CRAMP1: variants seen among roughly 807,000 people sequenced by gnomAD.
CRAMP1 encodes cramped chromatin regulator 1.
CRAMP1 carries 50 observed loss-of-function variants against 115.4 expected under a neutral mutation model. The observed-to-expected ratio is 0.43, with a 90% CI of 0.35 to 0.55. The LOEUF (loss-of-function observed/expected upper bound fraction) is 0.55. Ranked by LOEUF, CRAMP1 falls within the 20% of genes least tolerant of loss-of-function variation. The probability of loss-of-function intolerance (pLI) is 0.01; values close to 1 mark genes in which losing one functional copy is unlikely to be tolerated. For synonymous variants in CRAMP1, 866 were observed against 745.4 expected (o/e 1.16, Z -2.64); for missense variants, 1,679 against 1,721.7 (o/e 0.98, Z 0.44).
At chr16:1,612,734 G>A (rs1006841558) in intron 1 of CRAMP1, among the ~76,000 whole-genome samples, 77 bp downstream of exon 1, 5 of 147,320 alleles carry the variant, frequency 3.4e-5, no homozygotes, top group Admixed American at 6.7e-5. Context: ...GGGAGAGCGC[G>A]GGGGGGGCGT....
chr16:1,615,345 C>T (rs567270271), intron 2 of CRAMP1, among the ~76,000 whole-genome samples: 2 of 152,202 alleles, frequency 1.3e-5, no homozygotes, highest in Admixed American at 6.5e-5. Context: ...CCTGCTGTAT[C>T]TCTTTCCCAG....
chr16:1,613,573 C>G (rs1256627915), intron 1 of CRAMP1, among the ~76,000 whole-genome samples: 1 of 152,212 alleles, frequency 6.6e-6, no homozygotes, highest in Non-Finnish European at 1.5e-5. Flanking sequence ...TGGGCTGCAG[C>G]TCTTGCTGTG....
chr16:1,658,960 C>T (rs1457759246), intron 10 of CRAMP1, among the ~76,000 whole-genome samples: 2 of 152,032 alleles, frequency 1.3e-5, no homozygotes, highest in African/African-American at 2.4e-5. Context: ...GCGGTGGTGG[C>T]GTTTCTGTGG....
In CRAMP1 at chr16:1,662,768, C is replaced by T. The variant is rs1169924344; in HGVS notation, c.2603C>T (p.Ser868Leu). ...RQHLNSISMQSDFFLPKPRKL... is the reference protein window; with the variant it reads ...RQHLNSISMQLDFFLPKPRKL... ...GACGCTGCTCCCTTACAGATGCAGT[C>T]GGATTTCTTCCTGCCAAAGCCCCGG... The change falls in exon 13 of 21, where the codon TCG becomes TTG. Residue 868 changes from serine (S) to leucine (L), a missense_variant. Around this residue, in one of 8 missense-constraint regions of CRAMP1, gnomAD observed 709 missense variants for 741.9 expected, o/e 0.96. Transcript: ENST00000397412. 8 of 1,613,738 alleles carry T rather than the reference C, an allele frequency of 5.0e-6. No individual in the cohort carries two copies. Among genetic ancestry groups the T allele is most frequent in the African/African-American group, 1.3e-5 (1 of 74,914 alleles).
rs1427113449 is a variant in CRAMP1, at chr16:1,647,087, G to A, written c.828-5409G>A. Reference sequence around the variant, plus strand: ...GATTGGGAAAATGACTGAGGTGCCTGTGGGAGGCTACCCCTGGATTTCAGC... The same window carrying A: ...GATTGGGAAAATGACTGAGGTGCCTATGGGAGGCTACCCCTGGATTTCAGC... On this transcript the variant is annotated intron_variant, in intron 6 of 20. Coordinates refer to ENST00000397412, the MANE Select transcript of CRAMP1 (RefSeq NM_020825.4). 6 of 702,816 alleles carry A rather than the reference G, an allele frequency of 8.5e-6. No homozygotes were observed. The East Asian group carries it at 1.1e-4, about 13-fold the overall frequency. The allele number at this position is 702,816 out of a possible 1,614,324, so 43.5% of individuals were successfully genotyped here.
chr16:1,656,248 G>C lies in CRAMP1; in HGVS notation c.1491G>C (p.Glu497Asp). 1 of 1,609,840 alleles carries C rather than the reference G, an allele frequency of 6.2e-7. No homozygotes were observed. Among genetic ancestry groups the C allele is most frequent in the Admixed American group, 1.7e-5 (1 of 59,744 alleles). ...GTTCCCCCGAAAGCGCCCCCGGGGA[G>C]GGGGCTGCCCTAAGCTTGAGCAGCC... Reference protein sequence around the residue: ...GESSPESAPGEGAALSLSSPD... With the variant: ...GESSPESAPGDGAALSLSSPD... Residue 497 changes from glutamate to aspartate, a missense_variant, in exon 10 of 21, where the codon GAG becomes GAC. Glu to Asp is a conservative substitution (Grantham distance 45, BLOSUM62 2). Around this residue, in one of 8 missense-constraint regions of CRAMP1, gnomAD observed 405 missense variants for 302.6 expected, o/e 1.34. Transcript: ENST00000397412. This position sits in a 1 kb window ranked among gnomAD's most constrained non-coding sequence, Gnocchi z 5.6.
At chr16:1,626,336 C>T (rs1461789515) in intron 3 of CRAMP1, among the ~76,000 whole-genome samples, 170 bp downstream of exon 3, 2 of 152,190 alleles carry the variant, frequency 1.3e-5, no homozygotes, top group Non-Finnish European at 2.9e-5. Context: ...CTGACCTTGG[C>T]TGTTTTATCT....
In CRAMP1 at chr16:1,614,772, A is replaced by C; in HGVS notation, c.133A>C (p.Thr45Pro). Residue 45 changes from threonine to proline, a missense_variant, in exon 2 of 21, where the codon ACA becomes CCA. Thr to Pro is a conservative substitution (Grantham distance 38, BLOSUM62 -1). This residue lies in a region of CRAMP1 where 264 missense variants were observed against 229.7 expected (regional missense o/e 1.15). Transcript: ENST00000397412. This position sits in a 1 kb window ranked among gnomAD's most constrained non-coding sequence, Gnocchi z 4.4. The stretch of plus-strand genomic sequence containing the variant: ...AGACGCGGCCGAGGAGAGCAGCGGC[A>C]CAAAGAGGGACGAGAAGACCCCCCG... Reference protein sequence around the residue: ...GADAAEESSGTKRDEKTPRAG... With the variant: ...GADAAEESSGPKRDEKTPRAG... 7.4e-7 allele frequency: 1 copy of C among 1,360,030 alleles called. No individual in the cohort carries two copies. The highest frequency in any genetic ancestry group is 9.6e-7 in the Non-Finnish European group (1 of 1,045,370). The allele number at this position is 1,360,030 out of a possible 1,614,324, so 84.2% of individuals were successfully genotyped here. A position where few individuals can be genotyped will look rare whatever the true frequency, so the allele number is the denominator to read the frequency against.
chr16:1,654,502 G>A (rs1009426383), intron 8 of CRAMP1, among the ~76,000 whole-genome samples: 2 of 152,308 alleles, frequency 1.3e-5, no homozygotes, highest in Admixed American at 1.3e-4. Flanking sequence ...GTGTGCCGCC[G>A]TGCCCGGTGA....
At chr16:1,655,178 GT>G in intron 8 of CRAMP1, 40 bp from the exon 9 acceptor site, 1 of 1,544,588 alleles carries the variant, frequency 6.5e-7, no homozygotes, top group Non-Finnish European at 9.0e-7. Flanking sequence ...TTTCCTTCCT[GT>G]TCTGCGAACC....
At chr16:1,641,945 A>C (rs1235759966) in intron 6 of CRAMP1, among the ~76,000 whole-genome samples, 1 of 152,098 alleles carries the variant, frequency 6.6e-6, no homozygotes, top group Non-Finnish European at 1.5e-5. Context: ...CCCAGTGCAC[A>C]GCCTGGTGGG....
chr16:1,619,342 G>T (rs1475505218), intron 2 of CRAMP1, among the ~76,000 whole-genome samples: 1 of 152,038 alleles, frequency 6.6e-6, no homozygotes, highest in African/African-American at 2.4e-5. Flanking sequence ...TGCTACACCC[G>T]ACTAATTTTT....
In CRAMP1 at chr16:1,659,846, G is replaced by C. The variant is rs772763758; in HGVS notation, c.2236-40G>C. ...AGGGCACGCAAGAGCCATTTCTCAT[G>C]TGCTGAGTTTGGACATTGTTTGGCC... On this transcript the variant is annotated intron_variant, in intron 10 of 20. Transcript: ENST00000397412. 2.5e-6 allele frequency: 4 copies of C among 1,589,610 alleles called. No homozygotes were observed. The East Asian group carries it at 8.9e-5, about 36-fold the overall frequency.
At chr16:1,623,449 A>C (rs2036482253) in intron 2 of CRAMP1, among the ~76,000 whole-genome samples, 1 of 152,274 alleles carries the variant, frequency 6.6e-6, no homozygotes, top group Non-Finnish European at 1.5e-5. Context: ...GCTGTGATCC[A>C]CTAAGATTTA....
chr16:1,650,425 G>A lies in CRAMP1; in HGVS notation c.828-2071G>A, dbSNP rs2036712905. 2.6e-5 allele frequency among the ~76,000 whole-genome samples: 4 copies of A among 152,196 alleles called. No individual in the cohort carries two copies. In the South Asian group the frequency reaches 8.3e-4, roughly 32 times the overall value. On this transcript the variant is annotated intron_variant, in intron 6 of 20. Transcript: ENST00000397412. ...CTCTAATTTTGGTCAGCATTGTATT[G>A]GAATAAGATTTTTTAAAAACTATAC...
At chr16:1,645,872 T>G (rs1232701584) in intron 6 of CRAMP1, among the ~76,000 whole-genome samples, 1 of 151,684 alleles carries the variant, frequency 6.6e-6, no homozygotes, top group Admixed American at 6.6e-5. Context: ...TGTAGAGTTG[T>G]GTAGCTGCCA....
intron 3 of CRAMP1, among the ~76,000 whole-genome samples, chr16:1,630,385 C>G (rs755334411): frequency 3.6e-4 from 55 of 152,142 alleles, no homozygotes; most frequent in Admixed American, 2.7e-3. Flanking sequence ...CTCCTGGGCT[C>G]AAGCAATTCT....
At chr16:1,662,028 C>T (rs534377677) in intron 11 of CRAMP1, among the ~76,000 whole-genome samples, 1 of 152,234 alleles carries the variant, frequency 6.6e-6, no homozygotes, top group Non-Finnish European at 1.5e-5. Context: ...TATTGGCACA[C>T]AGCCACACTC....
intron 20 of CRAMP1, among the ~76,000 whole-genome samples, chr16:1,673,065 G>A (rs981871767): frequency 6.6e-6 from 1 of 151,766 alleles, no homozygotes; most frequent in Non-Finnish European, 1.5e-5. Flanking sequence ...TGACGGGATC[G>A]TGCCCTCCAC....
Sources: gnomAD v4.1 joint callset for allele counts (sites outside exome capture counted in the v4.1 genomes callset) on GRCh38, gnomAD v4.1.1 for gene constraint, gnomAD v4.1.1 regional missense constraint, Gnocchi (gnomAD v3.1) non-coding constraint, MANE v1.5 for transcripts, NCBI Gene and HGNC (gene_info 2026-07-23, HGNC 2026-07-21) for gene names.